PSMD12: variants seen among roughly 807,000 people sequenced by gnomAD.
PSMD12 encodes 26S proteasome non-ATPase regulatory subunit 12.
In PSMD12, 8 loss-of-function variants were observed where a neutral mutation model predicts 62.9. The observed-to-expected ratio is 0.13, with a 90% CI of 0.07 to 0.23. The LOEUF (loss-of-function observed/expected upper bound fraction) is 0.23, where lower values mean the gene tolerates loss of function less well. Ranked by LOEUF, PSMD12 falls within the 10% of genes least tolerant of loss-of-function variation. The pLI, the probability that PSMD12 is intolerant of heterozygous loss-of-function variation, is 1.00. For missense variants in PSMD12, 424 were observed against 550.2 expected (o/e 0.77, Z 2.29); for synonymous variants, 173 against 187.4 (o/e 0.92, Z 0.63).
intron 1 of PSMD12, among the ~76,000 whole-genome samples, chr17:67,363,817 A>G (rs1019933286): frequency 6.6e-6 from 1 of 152,192 alleles, no homozygotes; most frequent in Non-Finnish European, 1.5e-5. Flanking sequence ...TGGGAGGCAG[A>G]GACAGGTGGA....
intron 1 of PSMD12, among the ~76,000 whole-genome samples, chr17:67,359,744 T>C (rs1047832638): frequency 9.9e-5 from 15 of 152,184 alleles, no homozygotes; most frequent in African/African-American, 3.4e-4. Context: ...TTTAACAACG[T>C]TTCCTGTTTG....
intron 1 of PSMD12, among the ~76,000 whole-genome samples, chr17:67,364,957 G>A (rs999357004): frequency 6.6e-6 from 1 of 152,086 alleles, no homozygotes; most frequent in Non-Finnish European, 1.5e-5. Flanking sequence ...GCAGAGGTGG[G>A]TGGATCACTT....
chr17:67,356,142 A>G (rs1567958601), intron 3 of PSMD12, among the ~76,000 whole-genome samples: 1 of 152,056 alleles, frequency 6.6e-6, no homozygotes, highest in Non-Finnish European at 1.5e-5. Flanking sequence ...CAATCTTAGT[A>G]TTTGTTTAAG....
chr17:67,349,173 C>T (rs1196568427), intron 4 of PSMD12, among the ~76,000 whole-genome samples: 3 of 152,182 alleles, frequency 2.0e-5, no homozygotes, highest in Admixed American at 2.0e-4. Flanking sequence ...GCATGCGCCA[C>T]CACGCCCAGC....
chr17:67,362,031 T>TC (rs1355846709), intron 1 of PSMD12, among the ~76,000 whole-genome samples: 1 of 151,722 alleles, frequency 6.6e-6, no homozygotes, highest in Non-Finnish European at 1.5e-5. Flanking sequence ...CTCAAGGTCA[T>TC]CGCCAAGATC....
In PSMD12 at chr17:67,340,960, G is replaced by A; in HGVS notation, c.1254C>T (p.Pro418=). Residue 418 remains proline, a synonymous_variant, in exon 11 of 11, where the codon CCC becomes CCT. Transcript: ENST00000356126. ...RLAGIINFQR[P]KDPNNLLNDW... is the part of the protein sequence containing the mutation. Reference sequence around the variant, plus strand: ...CATTTAATAAATTATTTGGATCCTTGGGTCTCTGGAAGTTGATAATTCCTG... The same window carrying A: ...CATTTAATAAATTATTTGGATCCTTAGGTCTCTGGAAGTTGATAATTCCTG... The A allele has an allele frequency of 6.3e-7, 1 of 1,582,692 alleles. No homozygotes were observed. The highest frequency in any genetic ancestry group is 1.7e-4 in the Middle Eastern group (1 of 5,982).
intron 5 of PSMD12, 88 bp downstream of exon 5, chr17:67,348,462 T>A: frequency 9.4e-7 from 1 of 1,061,990 alleles, no homozygotes; most frequent in Non-Finnish European, 1.4e-6. Context: ...CCCAAACATT[T>A]TGGATAAGGG....
intron 5 of PSMD12, 112 bp from the exon 6 acceptor site, chr17:67,347,597 T>C (rs2041980006): frequency 4.6e-6 from 5 of 1,081,202 alleles, no homozygotes; most frequent in Non-Finnish European, 6.5e-6. Flanking sequence ...AGAACCTTCA[T>C]GTATATAGGG....
rs1452736083 is a variant in PSMD12 at position 67,340,626 on chromosome 17, A to C, written c.*217T>G. On this transcript the variant is annotated 3_prime_UTR_variant, in exon 11 of 11. Coordinates refer to ENST00000356126, the MANE Select transcript of PSMD12 (RefSeq NM_002816.5). ...TAAGTTATGACACAACTTTTTGTGT[A>C]TTCAGACGACAGAAATCTGTATTTT... 2 of 434,794 alleles carry C rather than the reference A, an allele frequency of 4.6e-6. No homozygotes were observed. The highest frequency in any genetic ancestry group is 8.0e-6 in the Non-Finnish European group (2 of 251,206). 26.9% of individuals were successfully genotyped at this position (434,794 alleles called of 1,614,324 possible).
At chr17:67,362,554 G>A (rs1665248439) in intron 1 of PSMD12, among the ~76,000 whole-genome samples, 1 of 140,550 alleles carries the variant, frequency 7.1e-6, no homozygotes, top group South Asian at 2.2e-4. Context: ...CCCAGCTACT[G>A]GGGACGCCGA....
chr17:67,346,143 A>G (rs1449421770), intron 7 of PSMD12, among the ~76,000 whole-genome samples: 1 of 152,162 alleles, frequency 6.6e-6, no homozygotes, highest in Non-Finnish European at 1.5e-5. Context: ...CTATAATCCC[A>G]GCACTTCGGG....
Position 67,359,327 on chromosome 17 carries a change from C to A in PSMD12, c.109-1749G>T, listed in dbSNP as rs370664421. On this transcript the variant is annotated intron_variant, in intron 1 of 10. Coordinates refer to ENST00000356126, the MANE Select transcript of PSMD12 (RefSeq NM_002816.5). The stretch of plus-strand genomic sequence containing the variant: ...CTAGGAATGTACCACTGCACTCCAG[C>A]CTGGGTGACAGAGTGAGACCTGGTC... 1.1e-4 allele frequency among the ~76,000 whole-genome samples: 17 copies of A among 152,250 alleles called. No individual in the cohort carries two copies. The East Asian group carries it at 2.9e-3, about 26-fold the overall frequency.
chr17:67,363,220 T>C (rs1410818091), intron 1 of PSMD12, among the ~76,000 whole-genome samples: 1 of 152,264 alleles, frequency 6.6e-6, no homozygotes, highest in Non-Finnish European at 1.5e-5. Context: ...GATGCGATCA[T>C]AGCTCACTGC....
chr17:67,356,002 A>G (rs949101720), intron 3 of PSMD12, among the ~76,000 whole-genome samples: 45 of 148,890 alleles, frequency 3.0e-4, no homozygotes, highest in Non-Finnish European at 4.7e-4. Context: ...ACACACACAC[A>G]CACACACGCA....
chr17:67,357,614 A>C, intron 1 of PSMD12, 36 bp from the exon 2 acceptor site: 1 of 1,582,014 alleles, frequency 6.3e-7, no homozygotes, highest in Non-Finnish European at 8.7e-7. Flanking sequence ...ATAAAAAAAC[A>C]CACAAAATGC....
intron 1 of PSMD12, among the ~76,000 whole-genome samples, chr17:67,364,472 A>G (rs2042161667): frequency 6.6e-6 from 1 of 152,226 alleles, no homozygotes; most frequent in Non-Finnish European, 1.5e-5. Flanking sequence ...CGAGGGCAAG[A>G]GCTTTGTCTA....
At chr17:67,341,156 G>T in intron 10 of PSMD12, 104 bp from the exon 11 acceptor site, 1 of 880,372 alleles carries the variant, frequency 1.1e-6, no homozygotes, top group Non-Finnish European at 1.7e-6. Context: ...GAATATGCAG[G>T]GGAATTCATT....
intron 1 of PSMD12, among the ~76,000 whole-genome samples, chr17:67,361,935 GGA>G (rs1317408011): frequency 2.1e-5 from 3 of 141,468 alleles, no homozygotes; most frequent in Non-Finnish European, 1.5e-5. Flanking sequence ...AGGGAGGGAG[GGA>G]GAGAGAGAGG....
Position 67,340,088 on chromosome 17 carries a change from A to G in PSMD12, c.*755T>C, listed in dbSNP as rs1176271018. On this transcript the variant is annotated 3_prime_UTR_variant, in exon 11 of 11. Coordinates refer to ENST00000356126, the MANE Select transcript of PSMD12 (RefSeq NM_002816.5). Reference sequence around the variant, plus strand: ...TATAAAGAAAGGGGAGAGGAAGAAGAGCAAAAAAAAAAAAAAAAAAAAAGT... The same window carrying G: ...TATAAAGAAAGGGGAGAGGAAGAAGGGCAAAAAAAAAAAAAAAAAAAAAGT... The G allele has an allele frequency of 8.3e-6, 1 of 120,088 alleles. No individual in the cohort carries two copies. The highest frequency in any genetic ancestry group is 1.8e-5 in the Non-Finnish European group (1 of 54,540). 7.4% of individuals were successfully genotyped at this position (120,088 alleles called of 1,614,324 possible).
Sources: gnomAD v4.1 joint callset for allele counts (sites outside exome capture counted in the v4.1 genomes callset) on GRCh38, gnomAD v4.1.1 for gene constraint, MANE v1.5 for transcripts, NCBI Gene and HGNC (gene_info 2026-07-23, HGNC 2026-07-21) for gene names.